Variants in HMGA2 observed in about 807,000 individuals in gnomAD.
HMGA2 encodes the protein high mobility group AT-hook 2.
In HMGA2, 8 loss-of-function variants were observed where a neutral mutation model predicts 19.1. The observed-to-expected ratio is 0.42, with a 90% CI of 0.25 to 0.76. The LOEUF (loss-of-function observed/expected upper bound fraction) is 0.76. HMGA2 is among the 30% of genes least tolerant of loss of function. HMGA2 has a pLI of 0.28. For synonymous variants in HMGA2, 60 were observed against 48.8 expected, an observed-to-expected ratio of 1.23 and a Z score of -0.96; for missense variants, 109 against 136.3, an observed-to-expected ratio of 0.80 and a Z score of 1.00.
intron 3 of HMGA2, among the ~76,000 whole-genome samples, chr12:65,943,212 A>G (rs1469021785): frequency 1.3e-5 from 2 of 152,336 alleles, no homozygotes; most frequent in East Asian, 1.9e-4. Flanking sequence ...TCAAATATCA[A>G]TTAGTATTCG....
intron 3 of HMGA2, among the ~76,000 whole-genome samples, chr12:65,888,964 T>G (rs1873791388): frequency 6.6e-6 from 1 of 152,064 alleles, no homozygotes; most frequent in Admixed American, 6.6e-5. Flanking sequence ...TCGAGCCTGC[T>G]CTTTCCACCA....
intron 3 of HMGA2, among the ~76,000 whole-genome samples, chr12:65,841,094 C>G (rs1270507095): frequency 2.0e-5 from 3 of 152,100 alleles, no homozygotes; most frequent in African/African-American, 7.2e-5. Context: ...ACCACACATC[C>G]TTAAACAGTT....
At chr12:65,928,762 T>A (rs906615007) in intron 3 of HMGA2, among the ~76,000 whole-genome samples, 3 of 152,220 alleles carry the variant, frequency 2.0e-5, no homozygotes, top group African/African-American at 7.2e-5. Context: ...GATCAAAATG[T>A]CAGTAGGCAA....
intron 3 of HMGA2, among the ~76,000 whole-genome samples, chr12:65,844,654 A>T (rs752040067): frequency 2.7e-5 from 4 of 150,942 alleles, no homozygotes; most frequent in Non-Finnish European, 4.4e-5. Flanking sequence ...AAGACTTTCA[A>T]AAAAAGAGAT....
intron 3 of HMGA2, among the ~76,000 whole-genome samples, chr12:65,896,969 A>T (rs1281164454): frequency 6.6e-6 from 1 of 152,208 alleles, no homozygotes; most frequent in African/African-American, 2.4e-5. Context: ...GTAACTCGTC[A>T]CTGTTGTTGT....
Position 65,964,984 on chromosome 12 carries a change from G to A in HMGA2, c.*1692G>A, listed in dbSNP as rs978782013. 1.6e-5 allele frequency: 3 copies of A among 188,454 alleles called. No individual in the cohort carries two copies. The highest frequency in any genetic ancestry group is 7.0e-5 in the African/African-American group (3 of 42,860). 11.7% of individuals were successfully genotyped at this position (188,454 alleles called of 1,614,324 possible). Reference sequence around the variant, plus strand: ...CCTACCTCCAGACTTCAAAAGGAATGAACTTGTTACTTGCAGCATTCATTT... The same window carrying A: ...CCTACCTCCAGACTTCAAAAGGAATAAACTTGTTACTTGCAGCATTCATTT... On this transcript the variant is annotated 3_prime_UTR_variant, in exon 5 of 5. Coordinates refer to ENST00000403681, the MANE Select transcript of HMGA2 (RefSeq NM_003483.6).
intron 3 of HMGA2, among the ~76,000 whole-genome samples, chr12:65,938,467 A>G (rs561122447): frequency 2.0e-5 from 3 of 152,216 alleles, no homozygotes; most frequent in African/African-American, 7.2e-5. Context: ...CCTTACATAC[A>G]CTGATCAGCA....
chr12:65,834,230 G>C (rs147997726), intron 2 of HMGA2, among the ~76,000 whole-genome samples: 1 of 152,282 alleles, frequency 6.6e-6, no homozygotes, highest in Non-Finnish European at 1.5e-5. Context: ...CTGAAATGCA[G>C]GTTGGAAATT....
intron 3 of HMGA2, among the ~76,000 whole-genome samples, chr12:65,890,719 A>G (rs1039443520): frequency 6.7e-6 from 1 of 150,182 alleles, no homozygotes; most frequent in Non-Finnish European, 1.5e-5. Context: ...CCGCTTCTTC[A>G]GTATATTCTT....
At chr12:65,845,668 A>C (rs535191864) in intron 3 of HMGA2, among the ~76,000 whole-genome samples, 2 of 152,300 alleles carry the variant, frequency 1.3e-5, no homozygotes, top group South Asian at 2.1e-4. Flanking sequence ...GGATGAAATC[A>C]AGCCTACTCC....
intron 4 of HMGA2, chr12:65,954,804 A>G (rs892790446): frequency 3.3e-5 from 5 of 152,232 alleles, no homozygotes; most frequent in African/African-American, 1.2e-4. Context: ...TATGTACGTT[A>G]ACTTTTTTCT....
intron 4 of HMGA2, among the ~76,000 whole-genome samples, chr12:65,962,851 CT>C (rs1449566175): frequency 7.9e-5 from 12 of 151,840 alleles, no homozygotes; most frequent in Non-Finnish European, 1.5e-4. Flanking sequence ...AAGGATCCCC[CT>C]AACTCTATTT....
At chr12:65,869,157 G>A (rs1433510318) in intron 3 of HMGA2, among the ~76,000 whole-genome samples, 2 of 151,942 alleles carry the variant, frequency 1.3e-5, no homozygotes, top group African/African-American at 4.8e-5. Flanking sequence ...CCTTTTTTTG[G>A]TAGGGTTCTC....
chr12:65,941,015 G>C (rs986407840), intron 3 of HMGA2, among the ~76,000 whole-genome samples: 2 of 152,122 alleles, frequency 1.3e-5, no homozygotes, highest in Non-Finnish European at 2.9e-5. Flanking sequence ...GAATGTGATC[G>C]TGAAGCCGAG....
intron 4 of HMGA2, among the ~76,000 whole-genome samples, chr12:65,961,007 T>G (rs1271968169): frequency 6.6e-6 from 1 of 152,228 alleles, no homozygotes; most frequent in Non-Finnish European, 1.5e-5. Flanking sequence ...TTCTGTTTCC[T>G]TCCGGATTTG....
At chr12:65,924,769 G>A (rs753412166) in intron 3 of HMGA2, among the ~76,000 whole-genome samples, 1 of 152,140 alleles carries the variant, frequency 6.6e-6, no homozygotes. Context: ...CTGCACTCCA[G>A]CCTGGCAGTA....
intron 4 of HMGA2, among the ~76,000 whole-genome samples, chr12:65,960,118 T>G (rs1365194154): frequency 6.6e-6 from 1 of 152,190 alleles, no homozygotes; most frequent in Non-Finnish European, 1.5e-5. Flanking sequence ...CTCGATCTCC[T>G]GACCTCGTGA....
At chr12:65,881,706 A>G (rs1207843639) in intron 3 of HMGA2, 1 of 701,572 alleles carries the variant, frequency 1.4e-6, no homozygotes, top group Admixed American at 2.0e-5. Flanking sequence ...GCTGAAGGAG[A>G]GCTTCACTCA....
intron 3 of HMGA2, among the ~76,000 whole-genome samples, chr12:65,923,361 G>T (rs1050017130): frequency 2.6e-5 from 4 of 152,326 alleles, no homozygotes; most frequent in African/African-American, 9.6e-5. Context: ...TCTGAAGACT[G>T]GGGGTTAGGG....
Sources: allele counts gnomAD v4.1 joint callset (sites outside exome capture counted in the v4.1 genomes callset), GRCh38; gene constraint gnomAD v4.1.1; transcripts MANE v1.5; gene names NCBI Gene and HGNC (gene_info 2026-07-23, HGNC 2026-07-21).